PPP2R2C: variants seen among roughly 807,000 people sequenced by gnomAD.
The protein encoded by PPP2R2C is protein phosphatase 2, regulatory subunit B, gamma.
Under a neutral mutation model 45.3 loss-of-function variants are expected in PPP2R2C, and 10 were observed. The ratio of observed to expected loss-of-function variants is 0.22; its 90% CI spans 0.14 to 0.37. The LOEUF (loss-of-function observed/expected upper bound fraction) is 0.37, where lower values mean the gene tolerates loss of function less well. Ranked by LOEUF, PPP2R2C falls within the 10% of genes least tolerant of loss-of-function variation. PPP2R2C has a pLI of 1.00. For missense variants in PPP2R2C, 308 were observed against 619.7 expected (o/e 0.50, Z 5.34); for synonymous variants, 257 against 245.4 (o/e 1.05, Z -0.44).
chr4:6,406,796 CA>C (rs1423470150), intron 1 of PPP2R2C, among the ~76,000 whole-genome samples: 1 of 152,024 alleles, frequency 6.6e-6, no homozygotes, highest in Non-Finnish European at 1.5e-5. Flanking sequence ...AAATAAAAAA[CA>C]AAAGGTATGT....
chr4:6,383,387 C>T, intron 1 of PPP2R2C: 2 of 1,289,870 alleles, frequency 1.6e-6, no homozygotes, highest in South Asian at 2.5e-5. Context: ...GTTTTTAACT[C>T]AGCAAAAGGT....
intron 1 of PPP2R2C, among the ~76,000 whole-genome samples, chr4:6,415,969 C>T (rs1408619849): frequency 1.3e-5 from 2 of 152,224 alleles, no homozygotes; most frequent in Non-Finnish European, 2.9e-5. Context: ...ACAGAGCACC[C>T]CAACTCCTTT....
chr4:6,477,247 T>C (rs1015128839), upstream of PPP2R2C, among the ~76,000 whole-genome samples: 41 of 151,894 alleles, frequency 2.7e-4, 1 homozygote, highest in Non-Finnish European at 4.4e-4. Context: ...AAGATTCTCT[T>C]CAAAAGAAAT....
At chr4:6,559,409 A>C (rs527395279) in intron 1 of PPP2R2C, among the ~76,000 whole-genome samples, 114 of 150,654 alleles carry the variant, frequency 7.6e-4, no homozygotes, top group Admixed American at 6.8e-3. Context: ...ACACACACAC[A>C]CACACACACA....
chr4:6,332,190 G>A lies in PPP2R2C; in HGVS notation c.960+1372C>T, dbSNP rs1732461191. Among the ~76,000 whole-genome samples the A allele has an allele frequency of 2.6e-5, 4 of 152,212 alleles. No individual in the cohort carries two copies. Among genetic ancestry groups the A allele is most frequent in the Admixed American group, 2.6e-4 (4 of 15,282 alleles). ...ATGGAGGTAAGTGACCGGACAAGGG[G>A]CCGGAGGGGGTTGGAAATGTTCATT... On this transcript the variant is annotated intron_variant, in intron 7 of 8. Coordinates refer to ENST00000382599, the MANE Select transcript of PPP2R2C (RefSeq NM_020416.4). The surrounding 1 kb of genome is among the most constrained non-coding windows in gnomAD (Gnocchi z 4.9).
At chr4:6,381,670 G>A (rs1489329288) in intron 1 of PPP2R2C, 57 of 1,513,096 alleles carry the variant, frequency 3.8e-5, no homozygotes, top group Non-Finnish European at 4.5e-5. Flanking sequence ...ATCTCTGCTC[G>A]CAGAAGCGAA....
intron 2 of PPP2R2C, among the ~76,000 whole-genome samples, chr4:6,518,259 G>A (rs1301131478): frequency 6.6e-6 from 1 of 151,974 alleles, no homozygotes; most frequent in Non-Finnish European, 1.5e-5. Flanking sequence ...GAAAAGAAGA[G>A]CAAATTAAAT....
chr4:6,520,154 G>A (rs1417968407), intron 2 of PPP2R2C, among the ~76,000 whole-genome samples: 1 of 152,060 alleles, frequency 6.6e-6, no homozygotes. Flanking sequence ...GGATGAAGGG[G>A]TACGCTGGGG....
chr4:6,470,769 CG>C (rs1216377816), intron 1 of PPP2R2C, among the ~76,000 whole-genome samples: 4 of 152,202 alleles, frequency 2.6e-5, no homozygotes, highest in African/African-American at 9.6e-5. Context: ...CCCAAAGCCG[CG>C]GCCGGGTCAG....
intron 5 of PPP2R2C, among the ~76,000 whole-genome samples, chr4:6,353,026 G>C (rs1177478082): frequency 6.6e-6 from 1 of 152,132 alleles, no homozygotes; most frequent in Non-Finnish European, 1.5e-5. Flanking sequence ...CCCGGAGCTG[G>C]AGGAGACAAG....
At chr4:6,350,521 A>T (rs1712448700) in intron 5 of PPP2R2C, 1 of 985,202 alleles carries the variant, frequency 1.0e-6, no homozygotes, top group Admixed American at 6.1e-5. Context: ...TGAGTCCCAC[A>T]GGAGTTCTGT....
intron 6 of PPP2R2C, among the ~76,000 whole-genome samples, chr4:6,340,227 C>A (rs1279794497): frequency 6.6e-6 from 1 of 152,168 alleles, no homozygotes; most frequent in Non-Finnish European, 1.5e-5. Context: ...CCCATCTTTG[C>A]ACACAAGAGC....
intron 2 of PPP2R2C, among the ~76,000 whole-genome samples, chr4:6,492,956 C>A (rs1229786870): frequency 6.6e-6 from 1 of 152,130 alleles, no homozygotes; most frequent in African/African-American, 2.4e-5. Context: ...CCTATAGGAT[C>A]TGCTTCCCCT....
At chr4:6,429,636 T>G (rs951040245) in intron 1 of PPP2R2C, among the ~76,000 whole-genome samples, 4 of 152,166 alleles carry the variant, frequency 2.6e-5, no homozygotes, top group African/African-American at 7.2e-5. Flanking sequence ...TCCCTGACAC[T>G]GCTTGTTGTC....
intron 6 of PPP2R2C, among the ~76,000 whole-genome samples, chr4:6,342,135 T>C (rs111672600): frequency 3.6e-5 from 5 of 139,954 alleles, no homozygotes; most frequent in African/African-American, 1.3e-4. Context: ...CACATACATA[T>C]ATATACATAC....
At chr4:6,483,309 T>A (rs988029393) in intron 2 of PPP2R2C, among the ~76,000 whole-genome samples, 1 of 152,196 alleles carries the variant, frequency 6.6e-6, no homozygotes, top group Non-Finnish European at 1.5e-5. Context: ...CCACTTTTTA[T>A]GTTTTTATAG....
intron 8 of PPP2R2C, among the ~76,000 whole-genome samples, chr4:6,327,108 C>G (rs1276902379): frequency 1.3e-5 from 2 of 152,200 alleles, no homozygotes; most frequent in Non-Finnish European, 2.9e-5. Flanking sequence ...GGTGGCACAC[C>G]TCTATGCCTT....
intron 1 of PPP2R2C, among the ~76,000 whole-genome samples, chr4:6,542,788 GCTCA>G (rs1261187178): frequency 6.6e-6 from 1 of 151,822 alleles, no homozygotes; most frequent in Non-Finnish European, 1.5e-5. Context: ...GAAAAATACA[GCTCA>G]CTAACACTGA....
At chr4:6,358,818 T>C (rs1334027263) in intron 5 of PPP2R2C, among the ~76,000 whole-genome samples, 1 of 152,174 alleles carries the variant, frequency 6.6e-6, no homozygotes, top group Non-Finnish European at 1.5e-5. Context: ...CCAGCTACAA[T>C]GGCGATCATT....
Sources: gnomAD v4.1 joint callset for allele counts (sites outside exome capture counted in the v4.1 genomes callset) on GRCh38, gnomAD v4.1.1 for gene constraint, Gnocchi (gnomAD v3.1) non-coding constraint, MANE v1.5 for transcripts, NCBI Gene and HGNC (gene_info 2026-07-23, HGNC 2026-07-21) for gene names.